The following CCDC7 variants were observed in gnomAD, a reference collection of about 807,000 sequenced individuals.
CCDC7 encodes the protein coiled-coil domain-containing protein 7.
In CCDC7, 183 loss-of-function variants were observed where a neutral mutation model predicts 196.9. That is an observed-to-expected ratio of 0.93 (90% confidence interval 0.82 to 1.05). CCDC7 has a LOEUF of 1.05. Ranked by LOEUF, CCDC7 falls within the 50% of genes least tolerant of loss-of-function variation. The pLI, the probability that CCDC7 is intolerant of heterozygous loss-of-function variation, is 0.00. For missense variants in CCDC7, 1,540 were observed against 1,482.2 expected (o/e 1.04, Z -0.64); for synonymous variants, 525 against 484.6 (o/e 1.08, Z -1.10).
chr10:32,564,283 C>T (rs1323342619), intron 13 of CCDC7, among the ~76,000 whole-genome samples: 6 of 152,114 alleles, frequency 3.9e-5, no homozygotes, highest in Non-Finnish European at 7.4e-5. Context: ...CCATTTGACC[C>T]AGCCATCCCA....
intron 28 of CCDC7, among the ~76,000 whole-genome samples, chr10:32,765,116 A>G (rs914171049): frequency 6.6e-6 from 1 of 152,002 alleles, no homozygotes; most frequent in African/African-American, 2.4e-5. Context: ...GATCAAGTTT[A>G]CAGACCCAGG....
At chr10:32,818,275 C>T (rs542787973) in intron 31 of CCDC7, among the ~76,000 whole-genome samples, 1 of 152,182 alleles carries the variant, frequency 6.6e-6, no homozygotes, top group Non-Finnish European at 1.5e-5. Flanking sequence ...ATCAATTCAA[C>T]AAGAAGAGCT....
At chr10:32,777,297 T>C (rs970570476) in intron 28 of CCDC7, among the ~76,000 whole-genome samples, 12 of 152,190 alleles carry the variant, frequency 7.9e-5, no homozygotes, top group African/African-American at 2.7e-4. Flanking sequence ...AGCACCTACG[T>C]TGATTCTGTG....
chr10:32,747,552 A>G (rs568606845), intron 28 of CCDC7, among the ~76,000 whole-genome samples: 92 of 152,336 alleles, frequency 6.0e-4, no homozygotes, highest in African/African-American at 2.2e-3. Context: ...AGCAAAAGAC[A>G]TGAACAGACA....
At chr10:32,722,294 G>T (rs2082526447) in intron 25 of CCDC7, among the ~76,000 whole-genome samples, 1 of 152,136 alleles carries the variant, frequency 6.6e-6, no homozygotes. Context: ...ACATTCAGTA[G>T]TTGGGGGCCA....
chr10:32,648,093 C>T (rs1409624643), intron 20 of CCDC7, among the ~76,000 whole-genome samples: 1 of 152,166 alleles, frequency 6.6e-6, no homozygotes, highest in Non-Finnish European at 1.5e-5. Flanking sequence ...GAGCCCTTTC[C>T]TCATTGCTTG....
chr10:32,579,811 G>A (rs890146685), intron 16 of CCDC7, among the ~76,000 whole-genome samples: 18 of 152,090 alleles, frequency 1.2e-4, no homozygotes, highest in Non-Finnish European at 1.6e-4. Flanking sequence ...ATACGATATG[G>A]ACACTGAGAT....
rs80051996 is a variant in CCDC7, at chr10:32,491,009, T to C, written c.797-913T>C. Among the ~76,000 whole-genome samples, 6 of 152,344 alleles carry C rather than the reference T, an allele frequency of 3.9e-5. No individual in the cohort carries two copies. The East Asian group carries it at 1.2e-3, about 29-fold the overall frequency. On this transcript the variant is annotated intron_variant, in intron 8 of 41. Coordinates refer to ENST00000639629, the Ensembl canonical transcript of CCDC7. ...GTTTCTTGGTTGTACTTGATATATT[T>C]GGTACCCTGAATATATTTTACACAT...
intron 24 of CCDC7, among the ~76,000 whole-genome samples, chr10:32,697,761 A>T (rs534678381): frequency 6.6e-6 from 1 of 152,218 alleles, no homozygotes; most frequent in Non-Finnish European, 1.5e-5. Context: ...TAGCTGAACA[A>T]AAGGCAGCGG....
chr10:32,772,891 G>A lies in CCDC7; in HGVS notation c.2906-6086G>A, dbSNP rs925236399. Among the ~76,000 whole-genome samples the A allele has an allele frequency of 4.6e-5, 7 of 152,244 alleles. No individual in the cohort carries two copies. In the South Asian group the frequency reaches 1.5e-3, roughly 32 times the overall value. On this transcript the variant is annotated intron_variant, in intron 28 of 41. Coordinates refer to ENST00000639629, the Ensembl canonical transcript of CCDC7. ...GGGAGCCCTTCACCTGACTCGCAGT[G>A]TAGGCTGCAGCCTTTTGCTTCTTTC...
In CCDC7 at chr10:32,824,505, T is replaced by G; in HGVS notation, c.3182-13T>G. ...TTAAAAAAGTGTTTTGAAATCTGTT[T>G]ACTTTTTTATAGAGACTGATGAACG... On this transcript the variant is annotated splice_polypyrimidine_tract_variant and intron_variant, in intron 31 of 41. Coordinates refer to ENST00000639629, the Ensembl canonical transcript of CCDC7. 2 of 1,573,120 alleles carry G rather than the reference T, an allele frequency of 1.3e-6. No individual in the cohort carries two copies. Among genetic ancestry groups the G allele is most frequent in the Non-Finnish European group, 1.7e-6 (2 of 1,150,872 alleles).
At chr10:32,770,344 A>G (rs1491002046) in intron 28 of CCDC7, among the ~76,000 whole-genome samples, 1 of 152,130 alleles carries the variant, frequency 6.6e-6, no homozygotes, top group Non-Finnish European at 1.5e-5. Context: ...GAAAATTTTT[A>G]AATTTCCATC....
At chr10:32,637,343 TA>T (rs2065840681) in intron 20 of CCDC7, among the ~76,000 whole-genome samples, 1 of 152,220 alleles carries the variant, frequency 6.6e-6, no homozygotes, top group African/African-American at 2.4e-5. Context: ...GGTTTTCTTC[TA>T]GGGTTTTTAT....
In CCDC7 at chr10:32,511,711, A is replaced by G. The variant is rs1050067157; in HGVS notation, c.873-6234A>G. The G allele has an allele frequency of 1.9e-6, 3 of 1,579,898 alleles. No individual in the cohort carries two copies. The African/African-American group carries it at 4.0e-5, about 21-fold the overall frequency. On this transcript the variant is annotated intron_variant, in intron 9 of 41. Transcript: ENST00000639629. ...ACAAATACTCGTGAATTTCTACTGG[A>G]TAGTCTTCATTAATTTCTTCACCTG...
intron 28 of CCDC7, among the ~76,000 whole-genome samples, chr10:32,744,676 A>T (rs1272947015): frequency 3.9e-5 from 6 of 152,154 alleles, no homozygotes; most frequent in Non-Finnish European, 8.8e-5. Context: ...TGTTTGTTTT[A>T]ATATTGAGTT....
intron 31 of CCDC7, among the ~76,000 whole-genome samples, chr10:32,820,720 A>G (rs2135575512): frequency 6.6e-6 from 1 of 152,346 alleles, no homozygotes; most frequent in East Asian, 1.9e-4. Flanking sequence ...TGGGGAAAGG[A>G]TTCCCTATTT....
intron 41 of CCDC7, among the ~76,000 whole-genome samples, chr10:32,855,044 C>T (rs2093696538): frequency 6.6e-6 from 1 of 152,074 alleles, no homozygotes. Flanking sequence ...CATGAAATGC[C>T]TATTTCCAAG....
intron 11 of CCDC7, among the ~76,000 whole-genome samples, chr10:32,536,767 T>C (rs372635784): frequency 1.6e-4 from 24 of 152,198 alleles, no homozygotes; most frequent in African/African-American, 5.3e-4. Context: ...ATGGGGTATT[T>C]GGCACTAGCC....
At chr10:32,597,518 C>G (rs912558683) in intron 18 of CCDC7, among the ~76,000 whole-genome samples, 3 of 152,170 alleles carry the variant, frequency 2.0e-5, no homozygotes, top group African/African-American at 7.2e-5. Context: ...GAAGTCTTGT[C>G]TCGACTCATC....
Sources: gnomAD v4.1 joint callset for allele counts (sites outside exome capture counted in the v4.1 genomes callset) on GRCh38, gnomAD v4.1.1 for gene constraint, MANE v1.5 for transcripts, NCBI Gene and HGNC (gene_info 2026-07-23, HGNC 2026-07-21) for gene names.